Variants in SCN7A observed in about 807,000 individuals in gnomAD.
The protein encoded by SCN7A is sodium channel protein type 7 subunit alpha.
A neutral mutation model predicts 155.2 loss-of-function variants in SCN7A; 138 were observed. The ratio of observed to expected loss-of-function variants is 0.89; its 90% CI spans 0.77 to 1.02. The LOEUF (loss-of-function observed/expected upper bound fraction) is 1.02, where lower values mean the gene tolerates loss of function less well. Among genes scored for constraint, SCN7A ranks in the 50% least tolerant of loss-of-function variants. The pLI is 0.00. For synonymous variants in SCN7A, 693 were observed against 649.0 expected (o/e 1.07, Z -1.03); for missense variants, 2,058 against 1,986.6 (o/e 1.04, Z -0.68).
At chr2:166,471,639 T>C (rs1702656189) in intron 6 of SCN7A, among the ~76,000 whole-genome samples, 1 of 149,274 alleles carries the variant, frequency 6.7e-6, no homozygotes, top group Non-Finnish European at 1.5e-5. Context: ...ATGATTTCCA[T>C]AGCTAGAAAA....
At chr2:166,447,458 A>G (rs572429500) in intron 12 of SCN7A, among the ~76,000 whole-genome samples, 154 bp downstream of exon 12, 1 of 152,140 alleles carries the variant, frequency 6.6e-6, no homozygotes, top group Admixed American at 6.5e-5. Flanking sequence ...ATGATTCTAA[A>G]ATTTTTATAC....
chr2:166,437,997 G>A lies in SCN7A; in HGVS notation c.2157+3399C>T, dbSNP rs551057839. On this transcript the variant is annotated intron_variant, in intron 15 of 25. Transcript: ENST00000643258. ...GCTGGGATGAATTAAGACTTTGGGG[G>A]ACTTTTGGAAAGGCACGATAGTGTT... 5.3e-5 allele frequency among the ~76,000 whole-genome samples: 8 copies of A among 152,230 alleles called. 1 individual carries two copies. Among genetic ancestry groups the A allele is most frequent in the African/African-American group, 1.9e-4 (8 of 41,546 alleles).
At position 166,432,423 on chromosome 2, in the gene SCN7A, A is replaced by C; in HGVS notation, c.2487T>G (p.Ser829Arg). Reference protein sequence around the residue: ...TENESQSLIPSPSVSETVPIA... With the variant: ...TENESQSLIPRPSVSETVPIA... The stretch of plus-strand genomic sequence containing the variant: ...TTGGTACAGTTTCTGAGACACTAGG[A>C]CTGGGGATAAGTGATTGGCTCTCAT... The change falls in exon 16 of 26, where the codon AGT becomes AGG. Residue 829 changes from serine (S) to arginine (R), a missense_variant. Transcript: ENST00000643258. 1 of 1,613,564 alleles carries C rather than the reference A, an allele frequency of 6.2e-7. No individual in the cohort carries two copies. Among genetic ancestry groups the C allele is most frequent in the Non-Finnish European group, 8.5e-7 (1 of 1,179,620 alleles).
intron 7 of SCN7A, among the ~76,000 whole-genome samples, chr2:166,469,727 T>C (rs1702612768): frequency 6.6e-6 from 1 of 151,870 alleles, no homozygotes; most frequent in Non-Finnish European, 1.5e-5. Context: ...GAGCTAGAGC[T>C]GTGAAAATTC....
In SCN7A at chr2:166,436,767, G is replaced by A. The variant is rs543727297; in HGVS notation, c.2158-4015C>T. On this transcript the variant is annotated intron_variant, in intron 15 of 25. Coordinates refer to ENST00000643258, the MANE Select transcript of SCN7A (RefSeq NM_002976.4). Reference sequence around the variant, plus strand: ...TGAGGTGGTCTCAGATGGATATGAGGAACTTGTTGAGAACTGGAGCAAAAG... The same window carrying A: ...TGAGGTGGTCTCAGATGGATATGAGAAACTTGTTGAGAACTGGAGCAAAAG... Among the ~76,000 whole-genome samples, 4 of 152,284 alleles carry A rather than the reference G, an allele frequency of 2.6e-5. No individual in the cohort carries two copies. In the South Asian group the frequency reaches 8.3e-4, roughly 32 times the overall value.
At chr2:166,456,258 G>A (rs184886306) in intron 11 of SCN7A, among the ~76,000 whole-genome samples, 1 of 152,206 alleles carries the variant, frequency 6.6e-6, no homozygotes, top group East Asian at 1.9e-4. Context: ...TAATGTAGAT[G>A]ACAGGTTGAT....
chr2:166,445,054 G>T, intron 12 of SCN7A, 54 bp from the exon 13 acceptor site: 1 of 1,111,018 alleles, frequency 9.0e-7, no homozygotes, highest in Non-Finnish European at 1.3e-6. Context: ...AGTGGCTCAT[G>T]CCTGTAATCC....
chr2:166,434,569 C>T (rs919454350), intron 15 of SCN7A, among the ~76,000 whole-genome samples: 2 of 152,144 alleles, frequency 1.3e-5, no homozygotes, highest in African/African-American at 2.4e-5. Flanking sequence ...TTTCTGTTCT[C>T]CCACTAGCGT....
chr2:166,490,172 A>T (rs1250755930), intron 1 of SCN7A, among the ~76,000 whole-genome samples: 1 of 152,126 alleles, frequency 6.6e-6, no homozygotes, highest in Non-Finnish European at 1.5e-5. Flanking sequence ...TATCACCATC[A>T]TGATGTGCAA....
At position 166,429,046 on chromosome 2, in the gene SCN7A, A is replaced by C. The variant is rs978246607; in HGVS notation, c.2698+123T>G. 2.6e-5 allele frequency: 15 copies of C among 574,882 alleles called. No homozygotes were observed. In the Admixed American group the frequency reaches 5.7e-4, roughly 22 times the overall value. The allele number at this position is 574,882 out of a possible 1,614,324, so 35.6% of individuals were successfully genotyped here. A position where few individuals can be genotyped will look rare whatever the true frequency, so the allele number is the denominator to read the frequency against. On this transcript the variant is annotated intron_variant, in intron 17 of 25. Transcript: ENST00000643258. ...TAATGGTGACACTTGTACATTTAAC[A>C]TGAATATTAAGAAATGTATAAAGAT...
rs1702678296 is a variant in SCN7A at position 166,472,326 on chromosome 2, G to A, written c.563C>T (p.Thr188Ile). 6.2e-7 allele frequency: 1 copy of A among 1,604,448 alleles called. No homozygotes were observed. The highest frequency in any genetic ancestry group is 1.7e-5 in the Admixed American group (1 of 58,560). The change falls in exon 6 of 26, where the codon ACT (threonine) becomes ATT (isoleucine). Residue 188 changes from threonine to isoleucine, a missense_variant. By Grantham distance (89) the Thr-to-Ile change is moderately conservative. Coordinates refer to ENST00000643258, the MANE Select transcript of SCN7A (RefSeq NM_002976.4). ...TTAAAGAAATACTCACTCAAACACA[G>A]TTACGCTGAAATCGAGCCAGTTCCA... Reference protein sequence around the residue: ...DPWNWLDFSVTVFEVIIRYSP... With the variant: ...DPWNWLDFSVIVFEVIIRYSP...
chr2:166,420,456 A>G (rs1181823494), intron 20 of SCN7A, among the ~76,000 whole-genome samples: 1 of 152,086 alleles, frequency 6.6e-6, no homozygotes, highest in East Asian at 1.9e-4. Flanking sequence ...GTATTCTCCC[A>G]TTTCTGTATA....
At chr2:166,422,657 G>T (rs186612751) in intron 19 of SCN7A, among the ~76,000 whole-genome samples, 17 of 152,236 alleles carry the variant, frequency 1.1e-4, no homozygotes, top group Non-Finnish European at 2.5e-4. Context: ...GGAATATGTT[G>T]GATTACACAG....
At chr2:166,453,201 C>T (rs1199787193) in intron 11 of SCN7A, among the ~76,000 whole-genome samples, 1 of 151,978 alleles carries the variant, frequency 6.6e-6, no homozygotes, top group African/African-American at 2.4e-5. Context: ...GAGATAATTC[C>T]AGTACCTCAA....
chr2:166,488,643 T>A (rs75907690), intron 1 of SCN7A, among the ~76,000 whole-genome samples: 8 of 151,778 alleles, frequency 5.3e-5, no homozygotes, highest in African/African-American at 1.5e-4. Flanking sequence ...TTTTTTTTTT[T>A]TTATTTTTTT....
At chr2:166,439,055 G>GTATGTATATATATATATA (rs1553516974) in intron 15 of SCN7A, among the ~76,000 whole-genome samples, 1 of 113,412 alleles carries the variant, frequency 8.8e-6, no homozygotes, top group African/African-American at 3.8e-5. Context: ...GTGTGTGTGT[G>GTATGTATATATATATATA]TATATATATA....
chr2:166,410,228 G>A lies in SCN7A; in HGVS notation c.3703C>T (p.Arg1235Cys), dbSNP rs201289756. Residue 1235 changes from arginine (R) to cysteine (C), a missense_variant, in exon 24 of 26, where the codon CGC becomes TGC. Coordinates refer to ENST00000643258, the MANE Select transcript of SCN7A (RefSeq NM_002976.4). Reference protein sequence around the residue: ...MYEDSQRPVPRPLNKLQGFIF... With the variant: ...MYEDSQRPVPCPLNKLQGFIF... ...TCTAGACATTTTCTTACTAATGGGCGAGGTACTGGTCTTTGAGAATCCTCA... is the reference window on the plus strand; with the variant it reads ...TCTAGACATTTTCTTACTAATGGGCAAGGTACTGGTCTTTGAGAATCCTCA... 18 of 1,546,750 alleles carry A rather than the reference G, an allele frequency of 1.2e-5. No homozygotes were observed. The East Asian group carries it at 2.7e-4, about 23-fold the overall frequency.
chr2:166,489,240 A>G lies in SCN7A; in HGVS notation c.-127-2272T>C, dbSNP rs972928378. 2.0e-5 allele frequency among the ~76,000 whole-genome samples: 3 copies of G among 152,232 alleles called. No homozygotes were observed. In the South Asian group the frequency reaches 6.2e-4, roughly 31 times the overall value. On this transcript the variant is annotated intron_variant, in intron 1 of 25. Coordinates refer to ENST00000643258, the MANE Select transcript of SCN7A (RefSeq NM_002976.4). ...AAATGTAAAGTTGAGAACAACTTGCATCATTCACCTTTGAATAAAATGTTG... is the reference window on the plus strand; with the variant it reads ...AAATGTAAAGTTGAGAACAACTTGCGTCATTCACCTTTGAATAAAATGTTG...
intron 20 of SCN7A, among the ~76,000 whole-genome samples, chr2:166,417,636 G>A (rs1701409171): frequency 1.3e-5 from 2 of 151,006 alleles, no homozygotes; most frequent in South Asian, 4.1e-4. Context: ...CCTGTATCAT[G>A]CCAGAAATGA....
Sources: allele counts gnomAD v4.1 joint callset (sites outside exome capture counted in the v4.1 genomes callset), GRCh38; gene constraint gnomAD v4.1.1; transcripts MANE v1.5; gene names NCBI Gene and HGNC (gene_info 2026-07-23, HGNC 2026-07-21).